The following BMP2K variants were observed in gnomAD, a reference collection of about 807,000 sequenced individuals.
BMP2K encodes BMP-2-inducible protein kinase.
Under a neutral mutation model 116.0 loss-of-function variants are expected in BMP2K, and 74 were observed. The observed-to-expected ratio is 0.64, with a 90% confidence interval of 0.53 to 0.77. The LOEUF is 0.77. Ranked by LOEUF, BMP2K falls within the 30% of genes least tolerant of loss-of-function variation. BMP2K has a pLI of 0.00. For missense variants in BMP2K, 1,365 were observed against 1,403.6 expected, an observed-to-expected ratio of 0.97 and a Z score of 0.44; for synonymous variants, 486 against 502.5, an observed-to-expected ratio of 0.97 and a Z score of 0.44.
At chr4:78,908,601 C>A (rs775364120) in intron 15 of BMP2K, among the ~76,000 whole-genome samples, 5 of 152,148 alleles carry the variant, frequency 3.3e-5, no homozygotes, top group Non-Finnish European at 7.3e-5. Flanking sequence ...AATCTATTTT[C>A]TTCAGCCAAA....
intron 9 of BMP2K, 50 bp downstream of exon 9, chr4:78,861,518 T>C (rs372950196): frequency 6.3e-6 from 9 of 1,427,490 alleles, no homozygotes; most frequent in African/African-American, 1.4e-5. Context: ...AAATGATAGG[T>C]CTTGTTTTTA....
chr4:78,824,928 A>G (rs554052751), intron 1 of BMP2K, among the ~76,000 whole-genome samples: 1 of 152,298 alleles, frequency 6.6e-6, no homozygotes, highest in East Asian at 1.9e-4. Context: ...CCAGCCAGGC[A>G]CTGTGGCTCA....
chr4:78,870,357 T>C (rs1732268668), intron 10 of BMP2K, among the ~76,000 whole-genome samples: 1 of 152,188 alleles, frequency 6.6e-6, no homozygotes, highest in African/African-American at 2.4e-5. Flanking sequence ...GTGGAAGTGC[T>C]AGATGAAGGA....
At chr4:78,852,515 T>C (rs1263391188) in intron 7 of BMP2K, among the ~76,000 whole-genome samples, 1 of 152,166 alleles carries the variant, frequency 6.6e-6, no homozygotes, top group Non-Finnish European at 1.5e-5. Context: ...AGTAAAAGCT[T>C]AATAAAGTAC....
intron 1 of BMP2K, among the ~76,000 whole-genome samples, chr4:78,800,356 G>A (rs1728509289): frequency 6.6e-6 from 1 of 152,198 alleles, no homozygotes; most frequent in Non-Finnish European, 1.5e-5. Context: ...GTTAGGGCTA[G>A]TATAGTGATA....
intron 15 of BMP2K, among the ~76,000 whole-genome samples, chr4:78,910,144 A>T (rs909769308): frequency 3.3e-5 from 5 of 152,254 alleles, no homozygotes; most frequent in Non-Finnish European, 5.9e-5. Context: ...ATTTAAAAAA[A>T]TAGTGAAACA....
intron 14 of BMP2K, among the ~76,000 whole-genome samples, chr4:78,884,302 G>A (rs1228733610): frequency 6.6e-6 from 1 of 152,138 alleles, no homozygotes; most frequent in Non-Finnish European, 1.5e-5. Flanking sequence ...GCTCTAGGTT[G>A]GGTGAAAGAG....
rs556785741 is a variant in BMP2K, at chr4:78,796,107, C to T, written c.178+19386C>T. Among the ~76,000 whole-genome samples the T allele has an allele frequency of 7.9e-5, 12 of 152,258 alleles. No homozygotes were observed. In the South Asian group the frequency reaches 2.5e-3, roughly 32 times the overall value. On this transcript the variant is annotated intron_variant, in intron 1 of 15. Transcript: ENST00000502613. ...ACATGCACACGTATGTTTATCGCAG[C>T]AGCATTCACAATAGCAAAGACTTGG...
intron 1 of BMP2K, among the ~76,000 whole-genome samples, chr4:78,793,640 A>G (rs1007457095): frequency 2.6e-5 from 4 of 152,154 alleles, no homozygotes; most frequent in African/African-American, 9.7e-5. Flanking sequence ...GTAATAAAAC[A>G]GTCCGATATA....
chr4:78,806,834 T>G (rs1387151552), intron 1 of BMP2K, among the ~76,000 whole-genome samples: 1 of 150,052 alleles, frequency 6.7e-6, no homozygotes, highest in East Asian at 1.9e-4. Context: ...GTGGATCTTA[T>G]CTTTTCTTTT....
intron 1 of BMP2K, among the ~76,000 whole-genome samples, chr4:78,822,447 C>T (rs150434425): frequency 1.2e-4 from 18 of 152,134 alleles, no homozygotes; most frequent in African/African-American, 4.1e-4. Context: ...TTATAGAGTG[C>T]AAAAGATACC....
chr4:78,888,742 C>T (rs1013951319), intron 15 of BMP2K, among the ~76,000 whole-genome samples: 5 of 152,114 alleles, frequency 3.3e-5, no homozygotes, highest in Non-Finnish European at 5.9e-5. Flanking sequence ...TAACTGTTTA[C>T]TATGGGTATT....
chr4:78,817,916 A>G (rs1226616697), intron 1 of BMP2K, among the ~76,000 whole-genome samples: 2 of 152,228 alleles, frequency 1.3e-5, no homozygotes, highest in Non-Finnish European at 1.5e-5. Context: ...ACCAGAAACT[A>G]GGAACAAAGA....
intron 1 of BMP2K, among the ~76,000 whole-genome samples, chr4:78,791,418 G>T (rs1426474856): frequency 1.3e-5 from 2 of 152,252 alleles, no homozygotes; most frequent in African/African-American, 4.8e-5. Flanking sequence ...CTTGGCCCTT[G>T]AGTACATTTC....
At chr4:78,820,133 A>G (rs1729543782) in intron 1 of BMP2K, among the ~76,000 whole-genome samples, 1 of 152,206 alleles carries the variant, frequency 6.6e-6, no homozygotes, top group South Asian at 2.1e-4. Context: ...TTTTAGGCTA[A>G]TTTTAGTCTA....
At chr4:78,779,356 T>C (rs562074727) in intron 1 of BMP2K, among the ~76,000 whole-genome samples, 25 of 152,346 alleles carry the variant, frequency 1.6e-4, no homozygotes, top group Middle Eastern at 6.8e-3. Context: ...CTCACACTTG[T>C]ATTTTCTCTG....
At chr4:78,819,652 G>A (rs529226157) in intron 1 of BMP2K, among the ~76,000 whole-genome samples, 5 of 152,216 alleles carry the variant, frequency 3.3e-5, no homozygotes, top group Admixed American at 2.0e-4. Flanking sequence ...TAGTAATGGT[G>A]GAGTTAGTAT....
intron 1 of BMP2K, among the ~76,000 whole-genome samples, chr4:78,782,313 A>G (rs1450185813): frequency 6.6e-6 from 1 of 152,208 alleles, no homozygotes; most frequent in Non-Finnish European, 1.5e-5. Context: ...GTTGTTAACT[A>G]CTGTTCCTCT....
chr4:78,875,522 A>G (rs1157290230), intron 13 of BMP2K, among the ~76,000 whole-genome samples: 4 of 152,236 alleles, frequency 2.6e-5, no homozygotes, highest in East Asian at 1.9e-4. Context: ...TTCTTATGAT[A>G]TAATTGCCCT....
Sources: gnomAD v4.1 joint callset for allele counts (sites outside exome capture counted in the v4.1 genomes callset) on GRCh38, gnomAD v4.1.1 for gene constraint, MANE v1.5 for transcripts, NCBI Gene and HGNC (gene_info 2026-07-23, HGNC 2026-07-21) for gene names.